FN1: variants seen among roughly 807,000 people sequenced by gnomAD.
The protein encoded by FN1 is fibronectin.
Under a neutral mutation model 297.3 loss-of-function variants are expected in FN1, and 106 were observed. The observed-to-expected ratio is 0.36, with a 90% confidence interval of 0.30 to 0.42. The LOEUF (loss-of-function observed/expected upper bound fraction) is 0.42. Among genes scored for constraint, FN1 ranks in the 10% least tolerant of loss-of-function variants. The probability of loss-of-function intolerance (pLI) is 1.00; values close to 1 mark genes in which losing one functional copy is unlikely to be tolerated. For synonymous variants in FN1, 1,149 were observed against 1,152.6 expected (o/e 1.00, Z 0.06); for missense variants, 2,690 against 3,124.9 (o/e 0.86, Z 3.32).
At chr2:215,394,862 C>T in intron 23 of FN1, 143 bp from the exon 24 acceptor site, 2 of 693,460 alleles carry the variant, frequency 2.9e-6, no homozygotes, top group Non-Finnish European at 5.2e-6. Context: ...TTATTCAATG[C>T]TTGCAACAAT....
At chr2:215,364,500 T>A (rs1024484478) in intron 44 of FN1, 3 of 313,708 alleles carry the variant, frequency 9.6e-6, no homozygotes, top group African/African-American at 6.4e-5. Context: ...TACCACTAAT[T>A]AATTTGAATA....
Position 215,406,439 on chromosome 2 carries a change from G to GTGTCCACATGATGGTGACC in FN1, c.2766_2784dup (p.Pro929GlyfsTer9). The GTGTCCACATGATGGTGACC allele has an allele frequency of 6.2e-7, 1 of 1,614,170 alleles. No homozygotes were observed. Among genetic ancestry groups the GTGTCCACATGATGGTGACC allele is most frequent in the Non-Finnish European group, 8.5e-7 (1 of 1,180,034 alleles). ...TAGCCGGTCACTGCACTCTCAGGCG[G>GTGTCCACATGATGGTGACC]TGTCCACATGATGGTGACCTTCACG... On this transcript the variant is annotated frameshift_variant, in exon 19 of 46. Transcript: ENST00000354785. LOFTEE classifies it high-confidence loss of function.
chr2:215,370,030 T>A (rs1052987895), intron 41 of FN1, among the ~76,000 whole-genome samples: 2 of 152,154 alleles, frequency 1.3e-5, no homozygotes, highest in Admixed American at 6.5e-5. Context: ...CTAAATAATA[T>A]TTGAAATCCC....
intron 10 of FN1, 88 bp from the exon 11 acceptor site, chr2:215,420,889 A>C (rs1341875983): frequency 1.7e-6 from 2 of 1,157,142 alleles, no homozygotes; most frequent in African/African-American, 3.0e-5. Flanking sequence ...GCATACAACT[A>C]CTTCCACTTA....
intron 2 of FN1, among the ~76,000 whole-genome samples, chr2:215,434,419 C>T (rs967789287): frequency 6.7e-6 from 1 of 149,662 alleles, no homozygotes; most frequent in Non-Finnish European, 1.5e-5. Flanking sequence ...TTTTTTTTGT[C>T]GGAGGACACA....
chr2:215,365,893 T>C (rs1341629889), intron 42 of FN1: 1 of 188,180 alleles, frequency 5.3e-6, no homozygotes, highest in Non-Finnish European at 1.1e-5. Flanking sequence ...GTAACCTCCA[T>C]CTCCTGGGTT....
intron 2 of FN1, among the ~76,000 whole-genome samples, chr2:215,434,361 GTTTAAGA>G (rs1486345546): frequency 6.6e-6 from 1 of 152,116 alleles, no homozygotes; most frequent in Non-Finnish European, 1.5e-5. Context: ...TAAACTAACA[GTTTAAGA>G]TTTGAGACTG....
intron 13 of FN1, among the ~76,000 whole-genome samples, chr2:215,412,600 C>G (rs938124671): frequency 2.0e-5 from 3 of 152,086 alleles, no homozygotes; most frequent in Non-Finnish European, 2.9e-5. Flanking sequence ...CCATGCCCGG[C>G]TAATTTTTAG....
At chr2:215,375,453 A>T in intron 37 of FN1, 60 bp from the exon 38 acceptor site, 1 of 1,505,834 alleles carries the variant, frequency 6.6e-7, no homozygotes, top group East Asian at 2.4e-5. Flanking sequence ...TTACTCCCAC[A>T]CTTTTCTCCC....
At chr2:215,419,688 AGTT>A (rs1257732382) in intron 11 of FN1, among the ~76,000 whole-genome samples, 3 of 152,224 alleles carry the variant, frequency 2.0e-5, no homozygotes, top group Non-Finnish European at 2.9e-5. Flanking sequence ...TTTAAATATT[AGTT>A]ATTATTTTTA....
chr2:215,433,532 A>G (rs1398267256), intron 2 of FN1, 71 bp from the exon 3 acceptor site: 2 of 1,486,282 alleles, frequency 1.3e-6, no homozygotes, highest in African/African-American at 2.8e-5. Context: ...AATCCCCTCT[A>G]AAGGAAAACC....
At chr2:215,397,549 A>G in intron 22 of FN1, 131 bp downstream of exon 22, 2 of 777,144 alleles carry the variant, frequency 2.6e-6, no homozygotes, top group Non-Finnish European at 4.5e-6. Flanking sequence ...GAATAGCATT[A>G]ATAATATAAG....
At position 215,397,219 on chromosome 2, in the gene FN1, C is replaced by A; in HGVS notation, c.3522G>T (p.Leu1174Phe). The A allele has an allele frequency of 3.1e-6, 5 of 1,609,734 alleles. No homozygotes were observed. Among genetic ancestry groups the A allele is most frequent in the Non-Finnish European group, 4.3e-6 (5 of 1,176,042 alleles). ...CCAGATGCAAGTTTGTTGGTGGAGA[C>A]AATGCTATGCAGAAAGAACATTTTA... Reference protein sequence around the residue: ...APIVNKVVTPLSPPTNLHLEA... With the variant: ...APIVNKVVTPFSPPTNLHLEA... The change falls in exon 23 of 46, where the codon TTG becomes TTT. Residue 1174 changes from leucine (L) to phenylalanine (F), a missense_variant. Coordinates refer to ENST00000354785, the MANE Select transcript of FN1 (RefSeq NM_212482.4).
chr2:215,423,563 T>C, intron 8 of FN1, 37 bp from the exon 9 acceptor site: 2 of 1,597,472 alleles, frequency 1.3e-6, no homozygotes, highest in Non-Finnish European at 1.7e-6. Context: ...AGGAAAAGAT[T>C]ACCGCTGAGC....
At chr2:215,430,128 T>C (rs1452685192) in intron 5 of FN1, among the ~76,000 whole-genome samples, 4 of 152,238 alleles carry the variant, frequency 2.6e-5, no homozygotes, top group Admixed American at 6.5e-5. Context: ...GTTCAAATTA[T>C]TTGGATTTGA....
intron 32 of FN1, chr2:215,381,288 T>C (rs146556598): frequency 1.6e-6 from 1 of 608,198 alleles, no homozygotes; most frequent in Non-Finnish European, 2.9e-6. Flanking sequence ...AAAACATAGG[T>C]GTATGTGAGA....
In FN1 at chr2:215,378,194, T is replaced by A. The variant is rs1132741; in HGVS notation, c.5691A>T (p.Gly1897=). 405,322 of 1,602,750 alleles carry A rather than the reference T, an allele frequency of 0.25. 61,328 individuals carry two copies. Among genetic ancestry groups the A allele is most frequent in the East Asian group, 0.8 (35,999 of 44,750 alleles). ...ACTTACTCTCCAGAGTGGTGACAACTCCCTGAGCTGGTCTGCTTGTCAAAG... is the reference window on the plus strand; with the variant it reads ...ACTTACTCTCCAGAGTGGTGACAACACCCTGAGCTGGTCTGCTTGTCAAAG... ...KDTLTSRPAQ[G]VVTTLENVSP... is the part of the protein sequence containing the mutation. The change falls in exon 35 of 46, where the codon GGA becomes GGT. Residue 1897 remains glycine (G), a synonymous_variant. Coordinates refer to ENST00000354785, the MANE Select transcript of FN1 (RefSeq NM_212482.4).
At chr2:215,430,925 G>A in intron 4 of FN1, 73 bp from the exon 5 acceptor site, 2 of 1,539,480 alleles carry the variant, frequency 1.3e-6, no homozygotes, top group Non-Finnish European at 1.8e-6. Flanking sequence ...GTAATTTAAA[G>A]TGTAGTGTGT....
intron 5 of FN1, among the ~76,000 whole-genome samples, chr2:215,429,381 A>C (rs1370758615): frequency 6.6e-6 from 1 of 152,240 alleles, no homozygotes; most frequent in Non-Finnish European, 1.5e-5. Flanking sequence ...TAGATTATTT[A>C]AATTATAATC....
Sources: allele counts gnomAD v4.1 joint callset (sites outside exome capture counted in the v4.1 genomes callset), GRCh38; gene constraint gnomAD v4.1.1; transcripts MANE v1.5; gene names NCBI Gene and HGNC (gene_info 2026-07-23, HGNC 2026-07-21).